Variants in MARCHF1 observed in about 807,000 individuals in gnomAD.
MARCHF1 encodes the protein membrane associated ring-CH-type finger 1, also known as E3 ubiquitin-protein ligase MARCHF1.
A neutral mutation model predicts 54.2 loss-of-function variants in MARCHF1; 40 were observed. That is an observed-to-expected ratio of 0.74 (90% CI 0.57 to 0.96). The LOEUF is 0.96. MARCHF1 is among the 40% of genes least tolerant of loss of function. The pLI, the probability that MARCHF1 is intolerant of heterozygous loss-of-function variation, is 0.00. For missense variants in MARCHF1, 586 were observed against 656.5 expected (o/e 0.89, Z 1.17); for synonymous variants, 236 against 236.3 (o/e 1.00, Z 0.01).
chr4:163,542,169 G>A (rs1738742088), intron 9 of MARCHF1, among the ~76,000 whole-genome samples: 1 of 152,200 alleles, frequency 6.6e-6, no homozygotes, highest in Non-Finnish European at 1.5e-5. Context: ...TCCACTGGAG[G>A]TTACTGTCTG....
chr4:164,111,139 T>A (rs1755825776), intron 2 of MARCHF1, among the ~76,000 whole-genome samples: 1 of 151,854 alleles, frequency 6.6e-6, no homozygotes, highest in Non-Finnish European at 1.5e-5. Flanking sequence ...CTTGAATGTA[T>A]AATCCAAGTA....
At chr4:163,549,003 T>C (rs1433530196) in intron 8 of MARCHF1, among the ~76,000 whole-genome samples, 2 of 152,212 alleles carry the variant, frequency 1.3e-5, no homozygotes, top group East Asian at 3.9e-4. Context: ...CTTTACCAAA[T>C]AACGTGTGAC....
intron 1 of MARCHF1, among the ~76,000 whole-genome samples, chr4:164,187,927 C>T (rs1158194694): frequency 1.3e-5 from 2 of 152,060 alleles, no homozygotes; most frequent in East Asian, 3.9e-4. Flanking sequence ...ATCTAGTAAA[C>T]CTATAAATTA....
At chr4:164,227,734 A>G (rs550480800) in intron 1 of MARCHF1, among the ~76,000 whole-genome samples, 2 of 152,210 alleles carry the variant, frequency 1.3e-5, no homozygotes, top group East Asian at 1.9e-4. Context: ...AAAAAAAACT[A>G]TATGTTTACA....
intron 4 of MARCHF1, among the ~76,000 whole-genome samples, chr4:163,711,998 A>C (rs977314016): frequency 1.3e-5 from 2 of 152,190 alleles, no homozygotes; most frequent in Non-Finnish European, 2.9e-5. Context: ...ATATTTTATC[A>C]GAGTCTGCAG....
rs1752915582 is a variant in MARCHF1 at position 163,988,710 on chromosome 4, C to CAA, written c.-247-2_-247-1insTT. 1 of 152,150 alleles carries CAA rather than the reference C, an allele frequency of 6.6e-6. No homozygotes were observed. Among genetic ancestry groups the CAA allele is most frequent in the Non-Finnish European group, 1.5e-5 (1 of 68,052 alleles). 9.4% of individuals were successfully genotyped at this position (152,150 alleles called of 1,614,324 possible). On this transcript the variant is annotated splice_acceptor_variant, in intron 2 of 9. Transcript: ENST00000514618. LOFTEE classifies it low-confidence loss of function (5UTR_SPLICE). ...TATCCTTGCTTTGCCAAGCTCAGGTCTAAACAAAGAGGGGAAAAATAGTGT... is the reference window on the plus strand; with the variant it reads ...TATCCTTGCTTTGCCAAGCTCAGGTCAATAAACAAAGAGGGGAAAAATAGTGT...
intron 2 of MARCHF1, among the ~76,000 whole-genome samples, chr4:164,069,042 C>T (rs1754795298): frequency 6.6e-6 from 1 of 152,114 alleles, no homozygotes; most frequent in Admixed American, 6.5e-5. Context: ...CACCAACCGG[C>T]ACTCTGTATC....
rs187638765 is a variant in MARCHF1, at chr4:164,031,073, G to C, written c.-247-42364C>G. Among the ~76,000 whole-genome samples, 485 of 152,170 alleles carry C rather than the reference G, an allele frequency of 3.2e-3. 3 individuals carry two copies. The highest frequency in any genetic ancestry group is 0.011 in the African/African-American group (468 of 41,524). Reference sequence around the variant, plus strand: ...AGAATACGCTTTATTTCATTCTCTTGCCTGATTGCCCTGGCCAGAACTTCC... The same window carrying C: ...AGAATACGCTTTATTTCATTCTCTTCCCTGATTGCCCTGGCCAGAACTTCC... On this transcript the variant is annotated intron_variant, in intron 2 of 9. Transcript: ENST00000514618.
At chr4:163,639,636 C>T (rs528997785) in intron 5 of MARCHF1, among the ~76,000 whole-genome samples, 64 of 152,236 alleles carry the variant, frequency 4.2e-4, no homozygotes, top group African/African-American at 1.5e-3. Context: ...AGCTCCCTTC[C>T]CCACCTCCTC....
intron 3 of MARCHF1, among the ~76,000 whole-genome samples, chr4:163,985,996 C>T (rs1232386795): frequency 6.6e-6 from 1 of 152,036 alleles, no homozygotes; most frequent in Non-Finnish European, 1.5e-5. Context: ...AATTTATCCA[C>T]TTTAAAGGCA....
chr4:164,036,039 G>A (rs1396529483), intron 2 of MARCHF1, among the ~76,000 whole-genome samples: 4 of 145,560 alleles, frequency 2.7e-5, no homozygotes, highest in Non-Finnish European at 6.0e-5. Flanking sequence ...AGAGGCAGAG[G>A]TTGCAGTGAG....
At chr4:164,333,246 A>G (rs1449105038) in intron 1 of MARCHF1, among the ~76,000 whole-genome samples, 2 of 152,142 alleles carry the variant, frequency 1.3e-5, no homozygotes, top group African/African-American at 4.8e-5. Context: ...ATGTATATAA[A>G]TATGTATATA....
At chr4:164,037,910 T>C (rs1339140674) in intron 2 of MARCHF1, among the ~76,000 whole-genome samples, 1 of 152,192 alleles carries the variant, frequency 6.6e-6, no homozygotes, top group East Asian at 1.9e-4. Flanking sequence ...TCTATTTATA[T>C]AATAATCTTG....
intron 4 of MARCHF1, among the ~76,000 whole-genome samples, chr4:163,750,685 T>C (rs888690361): frequency 2.6e-5 from 4 of 152,138 alleles, no homozygotes; most frequent in African/African-American, 9.7e-5. Flanking sequence ...TTTGTCTCAT[T>C]TTATGAAGTT....
chr4:163,824,038 G>T (rs746642721), intron 4 of MARCHF1, among the ~76,000 whole-genome samples: 1 of 150,498 alleles, frequency 6.6e-6, no homozygotes, highest in African/African-American at 2.4e-5. Context: ...ATCTAGAAAA[G>T]CAGAAATAAA....
At chr4:163,677,950 T>C (rs1743972472) in intron 5 of MARCHF1, among the ~76,000 whole-genome samples, 1 of 152,206 alleles carries the variant, frequency 6.6e-6, no homozygotes, top group Non-Finnish European at 1.5e-5. Flanking sequence ...TTAGCAAGGT[T>C]GGAAGGATGA....
intron 1 of MARCHF1, among the ~76,000 whole-genome samples, chr4:164,179,036 C>G (rs1730763171): frequency 6.6e-6 from 1 of 152,102 alleles, no homozygotes; most frequent in South Asian, 2.1e-4. Flanking sequence ...CAGACTCTCC[C>G]TGTGTTGGCG....
At chr4:164,197,748 G>C in intron 1 of MARCHF1, 5 of 1,610,602 alleles carry the variant, frequency 3.1e-6, no homozygotes, top group South Asian at 1.1e-5. Flanking sequence ...TCTCGTGCCA[G>C]CCGAATTCAA....
rs75151889 is a variant in MARCHF1, at chr4:163,777,277, T to C, written c.112-76414A>G. 6.7e-3 allele frequency among the ~76,000 whole-genome samples: 1,023 copies of C among 152,300 alleles called. 8 individuals carry two copies. Among genetic ancestry groups the C allele is most frequent in the South Asian group, 0.03 (147 of 4,834 alleles). ...ATATAAATTCCACAAAAAGCTATTT[T>C]GCTAATGATGGACCACTTCATTCAT... On this transcript the variant is annotated intron_variant, in intron 4 of 9. Coordinates refer to ENST00000514618, the MANE Select transcript of MARCHF1 (RefSeq NM_001394959.1).
Sources: allele counts gnomAD v4.1 joint callset (sites outside exome capture counted in the v4.1 genomes callset), GRCh38; gene constraint gnomAD v4.1.1; transcripts MANE v1.5; gene names NCBI Gene and HGNC (gene_info 2026-07-23, HGNC 2026-07-21).